The following TANC2 variants were observed in gnomAD, a reference collection of about 807,000 sequenced individuals.
TANC2 encodes the protein tetratricopeptide repeat, ankyrin repeat and coiled-coil containing 2.
Under a neutral mutation model 210.5 loss-of-function variants are expected in TANC2, and 26 were observed. That is an observed-to-expected ratio of 0.12 (90% CI 0.09 to 0.17). The LOEUF is 0.17. Among genes scored for constraint, TANC2 ranks in the 10% least tolerant of loss-of-function variants. The pLI is 1.00. For missense variants in TANC2, 2,129 were observed against 2,608.9 expected (o/e 0.82, Z 4.01); for synonymous variants, 931 against 967.1 (o/e 0.96, Z 0.69).
At chr17:62,984,218 C>T (rs9898783) in intron 1 of TANC2, among the ~76,000 whole-genome samples, 1 of 151,746 alleles carries the variant, frequency 6.6e-6, no homozygotes, top group African/African-American at 2.4e-5. Context: ...GCTTGTATGT[C>T]TCCAGGAATT....
intron 8 of TANC2, among the ~76,000 whole-genome samples, chr17:63,246,833 T>G (rs2042932519): frequency 6.6e-6 from 1 of 152,106 alleles, no homozygotes; most frequent in South Asian, 2.1e-4. Flanking sequence ...TACCTAGGAG[T>G]AGAATTGCTG....
In TANC2 at chr17:63,176,760, C is replaced by A. The variant is rs1276460872; in HGVS notation, c.434-17231C>A. 2.0e-4 allele frequency among the ~76,000 whole-genome samples: 28 copies of A among 138,486 alleles called. No homozygotes were observed. The Admixed American group carries it at 2.2e-3, about 11-fold the overall frequency. 90.9% of individuals were successfully genotyped at this position (138,486 alleles called of 152,430 possible). Reference sequence around the variant, plus strand: ...GGCGGAGCTTGCAGTGAGCCGAGATCGTGCAGCTGCACTCCAGCCTGGGCG... The same window carrying A: ...GGCGGAGCTTGCAGTGAGCCGAGATAGTGCAGCTGCACTCCAGCCTGGGCG... On this transcript the variant is annotated intron_variant, in intron 5 of 27. Transcript: ENST00000689528.
At chr17:63,303,743 A>C (rs1298560701) in intron 9 of TANC2, among the ~76,000 whole-genome samples, 1 of 151,800 alleles carries the variant, frequency 6.6e-6, no homozygotes, top group Admixed American at 6.6e-5. Context: ...AGTCAATCAC[A>C]GGTTTGGTCT....
chr17:63,001,514 G>A (rs1461048808), intron 1 of TANC2, among the ~76,000 whole-genome samples: 6 of 143,104 alleles, frequency 4.2e-5, no homozygotes, highest in Admixed American at 4.1e-4. Context: ...TTTCCTTTTC[G>A]TTTTTCTTTT....
intron 5 of TANC2, among the ~76,000 whole-genome samples, chr17:63,179,368 T>G (rs1045053253): frequency 2.6e-5 from 4 of 152,192 alleles, no homozygotes; most frequent in African/African-American, 7.2e-5. Flanking sequence ...CTCTGTTACT[T>G]AACTAACTCT....
At chr17:63,327,921 C>A (rs2045702862) in intron 11 of TANC2, among the ~76,000 whole-genome samples, 1 of 152,090 alleles carries the variant, frequency 6.6e-6, no homozygotes, top group Admixed American at 6.6e-5. Flanking sequence ...CTATCCCTCC[C>A]CACTCCCCCC....
intron 17 of TANC2, chr17:63,391,197 G>A (rs1022440800): frequency 1.3e-5 from 2 of 152,082 alleles, no homozygotes; most frequent in African/African-American, 2.4e-5. Flanking sequence ...AAAAAGAAAT[G>A]TTCCTCTCCC....
At position 63,412,092 on chromosome 17, in the gene TANC2, CTGT is replaced by C. The variant is rs1567998133; in HGVS notation, c.3867_3869del (p.Val1290del). 1 of 1,613,952 alleles carries C rather than the reference CTGT, an allele frequency of 6.2e-7. No individual in the cohort carries two copies. Among genetic ancestry groups the C allele is most frequent in the Non-Finnish European group, 8.5e-7 (1 of 1,179,876 alleles). On this transcript the variant is annotated inframe_deletion, in exon 23 of 28. Transcript: ENST00000689528. The surrounding 1 kb of genome is among the most constrained non-coding windows in gnomAD (Gnocchi z 4.2). ...AGGGCAGTGGGGTGCCGGAACACTT[CTGT>C]TGTTGTCACTCTTCTGAAGAAAGGA...
At chr17:63,284,779 A>G (rs2044171254) in intron 9 of TANC2, among the ~76,000 whole-genome samples, 1 of 152,066 alleles carries the variant, frequency 6.6e-6, no homozygotes, top group South Asian at 2.1e-4. Context: ...AGTCTTCTAT[A>G]TCCTTGCTGA....
chr17:63,394,163 G>A (rs936846414), intron 17 of TANC2, among the ~76,000 whole-genome samples: 2 of 152,148 alleles, frequency 1.3e-5, no homozygotes, highest in African/African-American at 4.8e-5. Flanking sequence ...GTTACTGAAA[G>A]GGAAAGCGAT....
At chr17:63,389,704 C>A in intron 17 of TANC2, 160 bp downstream of exon 17, 1 of 697,522 alleles carries the variant, frequency 1.4e-6, no homozygotes, top group Non-Finnish European at 2.4e-6. Context: ...ATGTGCAGGG[C>A]CACTGCCATC....
intron 14 of TANC2, among the ~76,000 whole-genome samples, chr17:63,371,371 C>A (rs956926780): frequency 2.6e-5 from 4 of 151,456 alleles, no homozygotes; most frequent in African/African-American, 9.7e-5. Context: ...GAGGCTGAGG[C>A]AGGAGAATCG....
chr17:63,088,783 A>C (rs1396320316), intron 3 of TANC2: 1 of 152,198 alleles, frequency 6.6e-6, no homozygotes, highest in East Asian at 1.9e-4. Flanking sequence ...TGTAGATCAA[A>C]TACTGTCCTG....
rs34338483 is a variant in TANC2, at chr17:63,358,976, T to TTGTGTGTGTGTGTGTGTG, written c.2582+3600_2582+3617dup. On this transcript the variant is annotated intron_variant, in intron 14 of 27. Transcript: ENST00000689528. ...ATAGGAACGGCTCTCAGATTAATAT[T>TTGTGTGTGTGTGTGTGTG]TGTGTGTGTGTGTGTGTGTGTGTGT... Among the ~76,000 whole-genome samples the TTGTGTGTGTGTGTGTGTG allele has an allele frequency of 3.9e-3, 571 of 147,906 alleles. 8 individuals are homozygous for TTGTGTGTGTGTGTGTGTG. Among genetic ancestry groups the TTGTGTGTGTGTGTGTGTG allele is most frequent in the African/African-American group, 0.014 (544 of 39,770 alleles).
At chr17:63,038,920 A>G (rs1255326992) in intron 2 of TANC2, among the ~76,000 whole-genome samples, 1 of 152,098 alleles carries the variant, frequency 6.6e-6, no homozygotes, top group Non-Finnish European at 1.5e-5. Flanking sequence ...ATTCTAGTGG[A>G]TAAGAGTGTA....
chr17:63,138,003 A>G (rs1197617490), intron 4 of TANC2, among the ~76,000 whole-genome samples: 7 of 152,188 alleles, frequency 4.6e-5, no homozygotes, highest in African/African-American at 1.4e-4. Context: ...GGTAAACTGC[A>G]TGTAACTGCA....
intron 4 of TANC2, among the ~76,000 whole-genome samples, chr17:63,129,155 C>T (rs985388057): frequency 3.3e-5 from 5 of 151,994 alleles, no homozygotes; most frequent in African/African-American, 9.6e-5. Context: ...ACCATGTGTC[C>T]GGCTGATTTT....
intron 2 of TANC2, among the ~76,000 whole-genome samples, chr17:63,019,546 G>T (rs1190847253): frequency 6.6e-6 from 1 of 152,058 alleles, no homozygotes; most frequent in African/African-American, 2.4e-5. Flanking sequence ...TAGGTATATA[G>T]AGGTATCTCA....
intron 9 of TANC2, 133 bp from the exon 10 acceptor site, chr17:63,314,255 A>G (rs2045236629): frequency 1.2e-5 from 11 of 949,074 alleles, no homozygotes; most frequent in African/African-American, 1.6e-5. Flanking sequence ...TCGCAGTTGC[A>G]TTATTTCTGA....
Sources: allele counts gnomAD v4.1 joint callset (sites outside exome capture counted in the v4.1 genomes callset), GRCh38; gene constraint gnomAD v4.1.1; non-coding constraint Gnocchi (gnomAD v3.1); transcripts MANE v1.5; gene names NCBI Gene and HGNC (gene_info 2026-07-23, HGNC 2026-07-21).